TSNARE1: variants seen among roughly 807,000 people sequenced by gnomAD.
The protein encoded by TSNARE1 is t-SNARE domain containing 1, also known as t-SNARE domain-containing protein 1.
In TSNARE1, 49 loss-of-function variants were observed where a neutral mutation model predicts 62.0. That is an observed-to-expected ratio of 0.79 (90% CI 0.63 to 1.00). The LOEUF (loss-of-function observed/expected upper bound fraction) is 1.00. Among genes scored for constraint, TSNARE1 ranks in the 50% least tolerant of loss-of-function variants. The pLI, the probability that TSNARE1 is intolerant of heterozygous loss-of-function variation, is 0.00. For missense variants in TSNARE1, 755 were observed against 700.1 expected, an observed-to-expected ratio of 1.08 and a Z score of -0.88; for synonymous variants, 328 against 294.4, an observed-to-expected ratio of 1.11 and a Z score of -1.17.
upstream of TSNARE1, chr8:142,404,647 G>A (rs534680264): frequency 2.2e-4 from 34 of 152,418 alleles, no homozygotes; most frequent in African/African-American, 4.1e-4. Context: ...TTCACTCTTC[G>A]GCTAGGACAG....
intron 1 of TSNARE1, among the ~76,000 whole-genome samples, chr8:142,398,105 G>C (rs934820969): frequency 6.6e-6 from 1 of 151,998 alleles, no homozygotes; most frequent in Non-Finnish European, 1.5e-5. Flanking sequence ...CCGCTGCCTG[G>C]AGTAGCTGCC....
intron 12 of TSNARE1, 152 bp from the exon 13 acceptor site, chr8:142,229,731 C>A: frequency 1.5e-6 from 1 of 658,158 alleles, no homozygotes; most frequent in Non-Finnish European, 2.7e-6. Flanking sequence ...TTTCAAGGGG[C>A]TCTGTCCTGA....
At chr8:142,403,502 C>A (rs563774328), upstream of TSNARE1, 1 of 152,236 alleles carries the variant, frequency 6.6e-6, no homozygotes, top group Non-Finnish European at 1.5e-5. Flanking sequence ...CCAGGCCGAG[C>A]CCGGACCTCA....
chr8:142,244,650 C>T (rs1336169347), intron 12 of TSNARE1, among the ~76,000 whole-genome samples: 1 of 152,186 alleles, frequency 6.6e-6, no homozygotes, highest in Non-Finnish European at 1.5e-5. Flanking sequence ...GGGCCAACGT[C>T]CCCAAGACAC....
chr8:142,282,967 G>A (rs1439420481), intron 11 of TSNARE1, among the ~76,000 whole-genome samples: 1 of 150,502 alleles, frequency 6.6e-6, no homozygotes, highest in African/African-American at 2.5e-5. Flanking sequence ...GGAGGCCACT[G>A]TCTGTCTAAG....
Position 142,243,801 on chromosome 8 carries a change from G to A in TSNARE1, c.1447-14222C>T, listed in dbSNP as rs1025116485. Among the ~76,000 whole-genome samples, 5 of 152,216 alleles carry A rather than the reference G, an allele frequency of 3.3e-5. No individual in the cohort carries two copies. The East Asian group carries it at 9.6e-4, about 29-fold the overall frequency. ...TGTGGAGGGATGGGTATGTGAATTC[G>A]CTTGATTTAATTTTTCCACAATAAT... is the stretch of plus-strand genomic sequence containing the variant. On this transcript the variant is annotated intron_variant, in intron 12 of 13. Transcript: ENST00000524325.
At chr8:142,271,159 G>A (rs1221221346) in intron 12 of TSNARE1, 4 of 988,706 alleles carry the variant, frequency 4.0e-6, no homozygotes, top group Non-Finnish European at 4.8e-6. Context: ...CCTTGGGGCT[G>A]TCCTGGGAGC....
Position 142,318,842 on chromosome 8 carries a change from A to T in TSNARE1, c.894-208T>A, listed in dbSNP as rs138237097. ...CAAGAGTAGGGAAAGGGTAGCAAAC[A>T]GAAAGAGGCAAAGACTCAGAGAAAG... On this transcript the variant is annotated intron_variant, in intron 6 of 13. Coordinates refer to ENST00000524325, the MANE Select transcript of TSNARE1 (RefSeq NM_145003.5). 3.8e-3 allele frequency among the ~76,000 whole-genome samples: 570 copies of T among 151,906 alleles called. 4 individuals carry two copies. The highest frequency in any genetic ancestry group is 0.031 in the Middle Eastern group (9 of 290).
At chr8:142,284,172 A>AC (rs1392101521) in intron 11 of TSNARE1, among the ~76,000 whole-genome samples, 3 of 152,210 alleles carry the variant, frequency 2.0e-5, no homozygotes, top group African/African-American at 7.2e-5. Flanking sequence ...AGTGTCTGTC[A>AC]ATGAGCAGAG....
intron 1 of TSNARE1, among the ~76,000 whole-genome samples, chr8:142,375,221 G>A (rs1202341616): frequency 1.3e-5 from 2 of 152,250 alleles, no homozygotes; most frequent in African/African-American, 4.8e-5. Context: ...TGAGAATGGG[G>A]CAGTCTCCCA....
intron 12 of TSNARE1, among the ~76,000 whole-genome samples, chr8:142,252,523 C>T (rs1231470730): frequency 6.6e-6 from 1 of 152,224 alleles, no homozygotes. Flanking sequence ...CCCAGCGCCC[C>T]AGCAGGAGCT....
intron 10 of TSNARE1, among the ~76,000 whole-genome samples, chr8:142,284,740 C>T (rs533065247): frequency 6.6e-6 from 1 of 152,342 alleles, no homozygotes; most frequent in African/African-American, 2.4e-5. Context: ...GCTCCATCTC[C>T]TGACTCTGAA....
intron 11 of TSNARE1, chr8:142,276,624 G>A (rs1267685181): frequency 1.0e-6 from 1 of 985,270 alleles, no homozygotes; most frequent in African/African-American, 1.7e-5. Context: ...CACTTTCTCT[G>A]CCCCGTGACC....
At chr8:142,362,303 A>C (rs970408822) in intron 1 of TSNARE1, among the ~76,000 whole-genome samples, 2 of 152,184 alleles carry the variant, frequency 1.3e-5, no homozygotes, top group Non-Finnish European at 1.5e-5. Context: ...TCCCACCGTG[A>C]ATTAGCTGAC....
intron 9 of TSNARE1, among the ~76,000 whole-genome samples, chr8:142,309,726 G>C (rs948230848): frequency 6.6e-6 from 1 of 152,040 alleles, no homozygotes; most frequent in Non-Finnish European, 1.5e-5. Context: ...TGGGAACCTC[G>C]TAAGAATCTG....
intron 9 of TSNARE1, among the ~76,000 whole-genome samples, chr8:142,313,208 ACGTGTCTG>A (rs1234102540): frequency 1.2e-4 from 18 of 151,532 alleles, no homozygotes; most frequent in Admixed American, 3.9e-4. Flanking sequence ...GTTTATCTGC[ACGTGTCTG>A]CGTGTCTGTG....
chr8:142,296,796 G>A (rs192213059), intron 10 of TSNARE1, among the ~76,000 whole-genome samples: 2 of 152,146 alleles, frequency 1.3e-5, no homozygotes, highest in East Asian at 1.9e-4. Flanking sequence ...GGGTCTCGGC[G>A]GTCCCCACAG....
intron 12 of TSNARE1, chr8:142,269,929 G>A (rs1301418084): frequency 1.0e-6 from 1 of 985,320 alleles, no homozygotes; most frequent in Non-Finnish European, 1.2e-6. Context: ...GCAAAACGAG[G>A]AAAAGGCCCC....
intron 13 of TSNARE1, among the ~76,000 whole-genome samples, chr8:142,213,352 C>CT (rs1468286384): frequency 6.7e-6 from 1 of 148,410 alleles, no homozygotes; most frequent in African/African-American, 2.5e-5. Context: ...CCACTTGCTC[C>CT]TGAGGCCCCA....
Sources: gnomAD v4.1 joint callset for allele counts (sites outside exome capture counted in the v4.1 genomes callset) on GRCh38, gnomAD v4.1.1 for gene constraint, MANE v1.5 for transcripts, NCBI Gene and HGNC (gene_info 2026-07-23, HGNC 2026-07-21) for gene names.